The following KIF13B variants were observed in gnomAD, a reference collection of about 807,000 sequenced individuals.
The protein encoded by KIF13B is kinesin-like protein KIF13B.
KIF13B carries 127 observed loss-of-function variants against 222.0 expected under a neutral mutation model. That is an observed-to-expected ratio of 0.57 (90% CI 0.50 to 0.66). The LOEUF (loss-of-function observed/expected upper bound fraction) is 0.66, where lower values mean the gene tolerates loss of function less well. KIF13B is among the 30% of genes least tolerant of loss of function. The pLI is 0.00. For synonymous variants in KIF13B, 976 were observed against 919.0 expected (o/e 1.06, Z -1.12); for missense variants, 2,173 against 2,379.0 (o/e 0.91, Z 1.80).
chr8:29,167,279 G>C, intron 11 of KIF13B, 94 bp downstream of exon 11: 1 of 987,034 alleles, frequency 1.0e-6, no homozygotes, highest in Non-Finnish European at 1.6e-6. Flanking sequence ...TTTAAGTAGA[G>C]TACTCATCCC....
At chr8:29,181,621 G>A (rs1408836894) in intron 7 of KIF13B, among the ~76,000 whole-genome samples, 1 of 152,114 alleles carries the variant, frequency 6.6e-6, no homozygotes, top group African/African-American at 2.4e-5. Flanking sequence ...GTATAAGTAG[G>A]CCCCAGAATG....
chr8:29,212,621 T>C (rs1218845889), intron 2 of KIF13B, among the ~76,000 whole-genome samples: 1 of 152,094 alleles, frequency 6.6e-6, no homozygotes, highest in African/African-American at 2.4e-5. Flanking sequence ...ATCTATTCAG[T>C]CCTTTGACCT....
At chr8:29,134,466 T>G (rs1441578789) in intron 21 of KIF13B, among the ~76,000 whole-genome samples, 3 of 152,234 alleles carry the variant, frequency 2.0e-5, no homozygotes, top group African/African-American at 7.2e-5. Flanking sequence ...TAAGAACATT[T>G]AAATGTTAGT....
In KIF13B at chr8:29,139,362, T is replaced by C. The variant is rs913119670; in HGVS notation, c.2613+701A>G. ...AGTCCATCACCTTTAAAATGGGCCATTGTGGGGTCATCAACCCTATGTCTC... is the reference window on the plus strand; with the variant it reads ...AGTCCATCACCTTTAAAATGGGCCACTGTGGGGTCATCAACCCTATGTCTC... On this transcript the variant is annotated intron_variant, in intron 21 of 39. Coordinates refer to ENST00000524189, the MANE Select transcript of KIF13B (RefSeq NM_015254.4). Among the ~76,000 whole-genome samples, 4 of 152,242 alleles carry C rather than the reference T, an allele frequency of 2.6e-5. No homozygotes were observed. The South Asian group carries it at 8.3e-4, about 32-fold the overall frequency.
chr8:29,122,560 G>GT, intron 29 of KIF13B, 31 bp downstream of exon 29: 1 of 1,580,186 alleles, frequency 6.3e-7, no homozygotes, highest in African/African-American at 1.3e-5. Context: ...ATTTTCAGAG[G>GT]TAAGCCTTCA....
At position 29,071,630 on chromosome 8, in the gene KIF13B, G is replaced by A. The variant is rs1807280044; in HGVS notation, c.5208C>T (p.Asp1736=). ...GTGCCCGGTACCCACCTGAGGGCAGGTCGAGCTCCACGCCGACCCACGTGC... is the reference window on the plus strand; with the variant it reads ...GTGCCCGGTACCCACCTGAGGGCAGATCGAGCTCCACGCCGACCCACGTGC... The part of the protein sequence containing the change: ...QEGTWVGVEL[D]LPSGKNDGSI... The change falls in exon 39 of 40, where the codon GAC becomes GAT. Residue 1736 remains aspartate (D), a synonymous_variant. Coordinates refer to ENST00000524189, the MANE Select transcript of KIF13B (RefSeq NM_015254.4). The surrounding 1 kb of genome is among the most constrained non-coding windows in gnomAD (Gnocchi z 4.9). The A allele has an allele frequency of 6.4e-7, 1 of 1,552,388 alleles. No homozygotes were observed. The highest frequency in any genetic ancestry group is 8.7e-7 in the Non-Finnish European group (1 of 1,148,760).
intron 25 of KIF13B, 56 bp from the exon 26 acceptor site, chr8:29,126,567 G>T: frequency 9.5e-7 from 1 of 1,047,428 alleles, no homozygotes; most frequent in Non-Finnish European, 1.5e-6. Flanking sequence ...CAAGAATCAG[G>T]CTACGCTAAA....
At position 29,090,176 on chromosome 8, in the gene KIF13B, G is replaced by A. The variant is rs551942420; in HGVS notation, c.4458+2569C>T. On this transcript the variant is annotated intron_variant, in intron 37 of 39. Coordinates refer to ENST00000524189, the MANE Select transcript of KIF13B (RefSeq NM_015254.4). ...TAAAGAAGAACGAAGATTCAAGGCC[G>A]GGGTACAGGCACTGCAGGGCACTGT... Among the ~76,000 whole-genome samples, 4 of 152,282 alleles carry A rather than the reference G, an allele frequency of 2.6e-5. 1 individual carries two copies. Among genetic ancestry groups the A allele is most frequent in the South Asian group, 4.1e-4 (2 of 4,820 alleles).
intron 8 of KIF13B, 78 bp downstream of exon 8, chr8:29,180,026 T>C: frequency 1.3e-6 from 2 of 1,526,602 alleles, no homozygotes; most frequent in Non-Finnish European, 1.8e-6. Flanking sequence ...TTAATTCATC[T>C]AACACCTGAA....
rs765849334 is a variant in KIF13B, at chr8:29,108,171, G to C, written c.4183C>G (p.Leu1395Val). 1.2e-6 allele frequency: 2 copies of C among 1,612,358 alleles called. No homozygotes were observed. Among genetic ancestry groups the C allele is most frequent in the Non-Finnish European group, 1.7e-6 (2 of 1,179,274 alleles). ...CTGCCTAGACTGTATGATGGAATGA[G>C]ATCTTGTCGGCTTCCAGACAACTGA... is the stretch of plus-strand genomic sequence containing the variant. The part of the protein sequence containing the change: ...VNRLSGSRQD[L>V]IPSYSLGSNK... Residue 1395 changes from leucine to valine, a missense_variant, in exon 35 of 40, where the codon CTC becomes GTC. By Grantham distance (32) the Leu-to-Val change is conservative. Transcript: ENST00000524189.
intron 11 of KIF13B, among the ~76,000 whole-genome samples, chr8:29,166,331 G>GT (rs1215429575): frequency 2.0e-5 from 3 of 152,252 alleles, no homozygotes; most frequent in Non-Finnish European, 4.4e-5. Context: ...CAGAAAACAG[G>GT]TATGAGAAAG....
intron 12 of KIF13B, among the ~76,000 whole-genome samples, chr8:29,162,214 G>A (rs1249101300): frequency 6.6e-6 from 1 of 152,156 alleles, no homozygotes; most frequent in Non-Finnish European, 1.5e-5. Flanking sequence ...GGAAAGGCAA[G>A]ACAAACTAAG....
chr8:29,094,185 C>G (rs1808420385), intron 36 of KIF13B, among the ~76,000 whole-genome samples: 1 of 151,810 alleles, frequency 6.6e-6, no homozygotes, highest in African/African-American at 2.4e-5. Flanking sequence ...GCATCCTTCT[C>G]AAATCAGCTG....
chr8:29,217,151 TAC>T, intron 2 of KIF13B, among the ~76,000 whole-genome samples: 1 of 152,146 alleles, frequency 6.6e-6, no homozygotes, highest in East Asian at 1.9e-4. Flanking sequence ...AGGAAATGAG[TAC>T]ACACAGGCTG....
At chr8:29,088,721 G>C (rs912869558) in intron 37 of KIF13B, among the ~76,000 whole-genome samples, 18 of 152,152 alleles carry the variant, frequency 1.2e-4, no homozygotes, top group African/African-American at 3.6e-4. Flanking sequence ...AATTCCACAG[G>C]CACTAAAAAT....
At position 29,186,474 on chromosome 8, in the gene KIF13B, T is replaced by TA. The variant is rs1326283389; in HGVS notation, c.317-3dup. On this transcript the variant is annotated splice_region_variant and splice_polypyrimidine_tract_variant and intron_variant, in intron 5 of 39. Transcript: ENST00000524189. Reference sequence around the variant, plus strand: ...TCATGGTATAAGATTTTCCAGAGCCTAAAAAAATGGAAATCAGAGTTACTA... The same window carrying TA: ...TCATGGTATAAGATTTTCCAGAGCCTAAAAAAAATGGAAATCAGAGTTACTA... 16 of 1,595,418 alleles carry TA rather than the reference T, an allele frequency of 1.0e-5. No individual in the cohort carries two copies. In the Middle Eastern group the frequency reaches 5.0e-4, roughly 50 times the overall value.
intron 30 of KIF13B, among the ~76,000 whole-genome samples, 151 bp from the exon 31 acceptor site, chr8:29,117,158 T>C (rs1024644152): frequency 5.9e-5 from 9 of 152,120 alleles, no homozygotes; most frequent in African/African-American, 2.2e-4. Context: ...GACAATGGAG[T>C]GTGACAGTGT....
chr8:29,198,680 AT>A (rs1385974663), intron 2 of KIF13B, among the ~76,000 whole-genome samples: 1 of 152,222 alleles, frequency 6.6e-6, no homozygotes, highest in Non-Finnish European at 1.5e-5. Context: ...CAACCCCACT[AT>A]GGGTATGCAC....
intron 32 of KIF13B, among the ~76,000 whole-genome samples, chr8:29,110,890 A>AT (rs1404124108): frequency 3.3e-5 from 5 of 152,222 alleles, no homozygotes; most frequent in Admixed American, 3.3e-4. Flanking sequence ...AAACTACAAA[A>AT]TGTATAACCA....
Sources: gnomAD v4.1 joint callset for allele counts (sites outside exome capture counted in the v4.1 genomes callset) on GRCh38, gnomAD v4.1.1 for gene constraint, Gnocchi (gnomAD v3.1) non-coding constraint, MANE v1.5 for transcripts, NCBI Gene and HGNC (gene_info 2026-07-23, HGNC 2026-07-21) for gene names.